Variants in LRP1B observed in about 807,000 individuals in gnomAD.
LRP1B encodes the protein low-density lipoprotein receptor-related protein 1B.
LRP1B carries 217 observed loss-of-function variants against 556.6 expected under a neutral mutation model. The ratio of observed to expected loss-of-function variants is 0.39; its 90% CI spans 0.35 to 0.44. The LOEUF (loss-of-function observed/expected upper bound fraction) is 0.44, where lower values mean the gene tolerates loss of function less well. Ranked by LOEUF, LRP1B falls within the 20% of genes least tolerant of loss-of-function variation. The pLI, the probability that LRP1B is intolerant of heterozygous loss-of-function variation, is 1.00. For synonymous variants in LRP1B, 2,047 were observed against 1,865.8 expected, an observed-to-expected ratio of 1.10 and a Z score of -2.50; for missense variants, 5,053 against 5,620.8, an observed-to-expected ratio of 0.90 and a Z score of 3.23.
intron 1 of LRP1B, among the ~76,000 whole-genome samples, chr2:142,004,018 T>C (rs1702733955): frequency 1.3e-5 from 2 of 152,216 alleles, no homozygotes; most frequent in Admixed American, 1.3e-4. Context: ...ATAACACACT[T>C]CTCTGGCATA....
chr2:140,472,069 C>G (rs1687793810), intron 60 of LRP1B, among the ~76,000 whole-genome samples: 1 of 152,166 alleles, frequency 6.6e-6, no homozygotes, highest in South Asian at 2.1e-4. Context: ...TATTTTGCAC[C>G]TACTTCTTAC....
chr2:140,312,252 C>G (rs972398953), intron 83 of LRP1B, among the ~76,000 whole-genome samples: 3 of 151,950 alleles, frequency 2.0e-5, no homozygotes, highest in Non-Finnish European at 4.4e-5. Context: ...TTTACAAACT[C>G]CCAAAGTAAC....
In LRP1B at chr2:141,651,302, C is replaced by T. The variant is rs143027036; in HGVS notation, c.205+158977G>A. ...TAAACATGTAGCAAGGATTGCCAGA[C>T]AAAATAACAGAACACTTAGTTAAAT... On this transcript the variant is annotated intron_variant, in intron 2 of 90. Transcript: ENST00000389484. Among the ~76,000 whole-genome samples, 42 of 152,070 alleles carry T rather than the reference C, an allele frequency of 2.8e-4. No homozygotes were observed. In the East Asian group the frequency reaches 7.3e-3, roughly 27 times the overall value.
rs1173464773 is a variant in LRP1B, at chr2:140,903,046, T to A, written c.3640A>T (p.Ile1214Phe). The A allele has an allele frequency of 1.2e-6, 2 of 1,613,704 alleles. No individual in the cohort carries two copies. Among genetic ancestry groups the A allele is most frequent in the Non-Finnish European group, 8.5e-7 (1 of 1,179,754 alleles). The change falls in exon 23 of 91, where the codon ATT becomes TTT. Residue 1214 changes from isoleucine to phenylalanine, a missense_variant. By Grantham distance (21) the Ile-to-Phe change is conservative. Around this residue, in one of 5 missense-constraint regions of LRP1B, gnomAD observed 3,619 missense variants for 3,931.9 expected, o/e 0.92. Transcript: ENST00000389484. ...QLNKDNKTCE[I>F]VDYCSNHLKC... ...AGATGATTGCTACAATAATCCACAA[T>A]TTCACATGTTTTATTGTCTTTGTTG... is the stretch of plus-strand genomic sequence containing the variant.
intron 1 of LRP1B, among the ~76,000 whole-genome samples, chr2:142,117,700 G>T (rs187185167): frequency 7.9e-5 from 12 of 152,102 alleles, no homozygotes; most frequent in African/African-American, 2.7e-4. Context: ...TTAAAACTTA[G>T]GATATTTTCC....
At position 140,526,303 on chromosome 2, in the gene LRP1B, T is replaced by A. The variant is rs1004959699; in HGVS notation, c.7810A>T (p.Ile2604Phe). 5.6e-6 allele frequency: 9 copies of A among 1,611,968 alleles called. No individual in the cohort carries two copies. The African/African-American group carries it at 1.1e-4, about 19-fold the overall frequency. Residue 2604 changes from isoleucine (I) to phenylalanine (F), a missense_variant, in exon 48 of 91, where the codon ATT (isoleucine) becomes TTT (phenylalanine). Physicochemically the swap from Ile to Phe is conservative, Grantham distance 21 (BLOSUM62 0). Transcript: ENST00000389484. ...VEFRCADGTC[I>F]PRSARCNQNI... is the part of the protein sequence containing the mutation. The stretch of plus-strand genomic sequence containing the variant: ...TGGTTGCATCGTGCTGATCTTGGAA[T>A]ACAAGTCCCATCTGCACAGCGGAAC...
intron 31 of LRP1B, among the ~76,000 whole-genome samples, chr2:140,832,693 A>G (rs1040428875): frequency 4.1e-4 from 63 of 152,176 alleles, no homozygotes; most frequent in African/African-American, 9.7e-5. Flanking sequence ...AAAAAAGTAG[A>G]TCTCTTGTGG....
intron 27 of LRP1B, among the ~76,000 whole-genome samples, chr2:140,860,178 C>G (rs1692747583): frequency 6.6e-6 from 1 of 152,070 alleles, no homozygotes; most frequent in Non-Finnish European, 1.5e-5. Context: ...CTATGTGAAG[C>G]AATTCATTCT....
At chr2:141,591,953 A>G (rs534378846) in intron 2 of LRP1B, among the ~76,000 whole-genome samples, 2 of 152,142 alleles carry the variant, frequency 1.3e-5, no homozygotes, top group Admixed American at 6.5e-5. Flanking sequence ...GAATCTATGC[A>G]GGATTATGAA....
chr2:141,031,296 TATAA>T (rs1443059471), intron 11 of LRP1B, among the ~76,000 whole-genome samples: 1 of 148,912 alleles, frequency 6.7e-6, no homozygotes, highest in Non-Finnish European at 1.5e-5. Context: ...TACATATATA[TATAA>T]AGAGAGAGAG....
At chr2:140,624,858 C>A (rs1485600364) in intron 41 of LRP1B, among the ~76,000 whole-genome samples, 1 of 152,108 alleles carries the variant, frequency 6.6e-6, no homozygotes, top group African/African-American at 2.4e-5. Context: ...AAAGGCCTGT[C>A]TTAGGAGGTG....
At chr2:141,191,849 G>A (rs560583404) in intron 6 of LRP1B, among the ~76,000 whole-genome samples, 3 of 151,888 alleles carry the variant, frequency 2.0e-5, no homozygotes, top group African/African-American at 7.2e-5. Flanking sequence ...AATATCTTGG[G>A]TTCAGATAAA....
rs375562850 is a variant in LRP1B, at chr2:141,718,142, CTCTT to C, written c.205+92133_205+92136del. Among the ~76,000 whole-genome samples, 236 of 152,288 alleles carry C rather than the reference CTCTT, an allele frequency of 1.5e-3. 8 individuals carry two copies. In the South Asian group the frequency reaches 0.045, roughly 29 times the overall value. ...CAGGGCTTGCCAGAGGAGAGAAAGA[CTCTT>C]TGCACACAGCTGGAGCTTTTCAGGG... On this transcript the variant is annotated intron_variant, in intron 2 of 90. Transcript: ENST00000389484.
chr2:141,162,156 G>T (rs1680063627), intron 7 of LRP1B, among the ~76,000 whole-genome samples: 1 of 152,044 alleles, frequency 6.6e-6, no homozygotes, highest in South Asian at 2.1e-4. Flanking sequence ...GAGGATGAGA[G>T]GATTACAACT....
At chr2:140,477,699 G>T (rs752558785) in intron 59 of LRP1B, among the ~76,000 whole-genome samples, 1 of 151,976 alleles carries the variant, frequency 6.6e-6, no homozygotes, top group African/African-American at 2.4e-5. Flanking sequence ...TCATCTGGTA[G>T]TCTTACCATC....
At chr2:141,497,746 T>C (rs1024736212) in intron 2 of LRP1B, among the ~76,000 whole-genome samples, 1 of 151,948 alleles carries the variant, frequency 6.6e-6, no homozygotes, top group Non-Finnish European at 1.5e-5. Context: ...ACTATGATGA[T>C]AAATTACAAA....
At chr2:140,620,178 C>T (rs1274528065) in intron 41 of LRP1B, among the ~76,000 whole-genome samples, 1 of 152,036 alleles carries the variant, frequency 6.6e-6, no homozygotes, top group African/African-American at 2.4e-5. Flanking sequence ...TTAATAAAGA[C>T]AGAAAAGTTA....
intron 3 of LRP1B, among the ~76,000 whole-genome samples, chr2:141,466,113 T>A (rs566498453): frequency 6.7e-6 from 1 of 149,180 alleles, no homozygotes; most frequent in African/African-American, 2.5e-5. Flanking sequence ...GGTCTTGAAC[T>A]CCTGACCTCA....
At chr2:140,992,313 A>G (rs190067873) in intron 16 of LRP1B, among the ~76,000 whole-genome samples, 1 of 152,252 alleles carries the variant, frequency 6.6e-6, no homozygotes, top group East Asian at 1.9e-4. Flanking sequence ...ATGACTGATT[A>G]GAAATTTTAA....
Sources: gnomAD v4.1 joint callset for allele counts (sites outside exome capture counted in the v4.1 genomes callset) on GRCh38, gnomAD v4.1.1 for gene constraint, gnomAD v4.1.1 regional missense constraint, MANE v1.5 for transcripts, NCBI Gene and HGNC (gene_info 2026-07-23, HGNC 2026-07-21) for gene names.